Variants in VTI1A observed in about 807,000 individuals in gnomAD.
VTI1A encodes the protein vesicle transport through interaction with t-SNAREs homolog 1A.
Under a neutral mutation model 34.9 loss-of-function variants are expected in VTI1A, and 22 were observed. That is an observed-to-expected ratio of 0.63 (90% CI 0.45 to 0.90). The LOEUF (loss-of-function observed/expected upper bound fraction) is 0.90, where lower values mean the gene tolerates loss of function less well. VTI1A is among the 40% of genes least tolerant of loss of function. The pLI is 0.00. For synonymous variants in VTI1A, 87 were observed against 97.3 expected (o/e 0.89, Z 0.62); for missense variants, 268 against 275.6 (o/e 0.97, Z 0.20).
At chr10:112,455,913 G>A (rs1847507063) in intron 1 of VTI1A, among the ~76,000 whole-genome samples, 1 of 151,888 alleles carries the variant, frequency 6.6e-6, no homozygotes, top group African/African-American at 2.4e-5. Flanking sequence ...TTTCAAATGG[G>A]AAGATTTGCC....
At chr10:112,617,093 A>G (rs569167777) in intron 5 of VTI1A, among the ~76,000 whole-genome samples, 7 of 152,324 alleles carry the variant, frequency 4.6e-5, no homozygotes, top group Admixed American at 3.3e-4. Flanking sequence ...TAGACACGTT[A>G]TAGTGAAACT....
intron 7 of VTI1A, among the ~76,000 whole-genome samples, chr10:112,675,387 G>A (rs1847987535): frequency 6.6e-6 from 1 of 152,254 alleles, no homozygotes; most frequent in East Asian, 1.9e-4. Flanking sequence ...CTTCTATGAA[G>A]ACCCAGTTTC....
intron 3 of VTI1A, among the ~76,000 whole-genome samples, chr10:112,498,457 C>T (rs1027624947): frequency 5.3e-5 from 8 of 151,940 alleles, no homozygotes; most frequent in Non-Finnish European, 2.9e-5. Context: ...TCCTCATCGC[C>T]GCCACCACCA....
intron 5 of VTI1A, among the ~76,000 whole-genome samples, chr10:112,597,570 A>C (rs993730817): frequency 2.0e-5 from 3 of 150,958 alleles, no homozygotes; most frequent in Non-Finnish European, 3.0e-5. Context: ...AGCCAGGTAC[A>C]GTGGTACATG....
At chr10:112,640,563 A>G (rs1846530633) in intron 5 of VTI1A, among the ~76,000 whole-genome samples, 1 of 151,898 alleles carries the variant, frequency 6.6e-6, no homozygotes, top group Non-Finnish European at 1.5e-5. Context: ...AACAACAACA[A>G]AAAAAAACCC....
chr10:112,492,411 G>A (rs965984137), intron 3 of VTI1A, among the ~76,000 whole-genome samples: 2 of 152,114 alleles, frequency 1.3e-5, no homozygotes, highest in South Asian at 2.1e-4. Context: ...TGCAATTGCC[G>A]CAGTCAGTAG....
At chr10:112,671,995 G>T (rs1401469942) in intron 7 of VTI1A, 1 of 152,100 alleles carries the variant, frequency 6.6e-6, no homozygotes, top group Non-Finnish European at 1.5e-5. Flanking sequence ...TAGTGTAGTA[G>T]AGGACGTATG....
At chr10:112,545,404 A>T (rs1306882392) in intron 5 of VTI1A, among the ~76,000 whole-genome samples, 1 of 152,262 alleles carries the variant, frequency 6.6e-6, no homozygotes, top group Non-Finnish European at 1.5e-5. Context: ...GAATGATGAT[A>T]ATGATACTTA....
chr10:112,618,508 T>TAG lies in VTI1A; in HGVS notation c.428-49709_428-49708insGA, dbSNP rs1360598727. ...ATTATATTATATATATATATATATA[T>TAG]ATATATATATATATATAGAGAGAGA... On this transcript the variant is annotated intron_variant, in intron 5 of 7. Transcript: ENST00000393077. Among the ~76,000 whole-genome samples the TAG allele has an allele frequency of 5.4e-3, 170 of 31,286 alleles. 1 individual carries two copies. Among genetic ancestry groups the TAG allele is most frequent in the African/African-American group, 0.013 (102 of 7,888 alleles). 20.5% of individuals were successfully genotyped at this position (31,286 alleles called of 152,430 possible).
intron 5 of VTI1A, among the ~76,000 whole-genome samples, chr10:112,660,981 A>C (rs970498343): frequency 1.3e-5 from 2 of 152,074 alleles, no homozygotes; most frequent in Non-Finnish European, 2.9e-5. Flanking sequence ...ATTTTTATTT[A>C]CTTATTTATT....
chr10:112,743,429 G>T (rs200254890), intron 7 of VTI1A, among the ~76,000 whole-genome samples: 5 of 152,142 alleles, frequency 3.3e-5, no homozygotes, highest in Non-Finnish European at 7.3e-5. Context: ...CCACTTTGTG[G>T]CTGGGGCTGG....
intron 3 of VTI1A, among the ~76,000 whole-genome samples, chr10:112,491,512 A>G (rs1848819425): frequency 6.6e-6 from 1 of 152,250 alleles, no homozygotes. Flanking sequence ...GTGTTATGGC[A>G]GCCACATATG....
chr10:112,686,015 A>G (rs1256481696), intron 7 of VTI1A, among the ~76,000 whole-genome samples: 1 of 152,190 alleles, frequency 6.6e-6, no homozygotes, highest in East Asian at 1.9e-4. Flanking sequence ...CTCTATAGCT[A>G]CCTAATACTG....
chr10:112,835,101 G>A, the VTI1A span, among the ~76,000 whole-genome samples: 1 of 152,128 alleles, frequency 6.6e-6, no homozygotes, highest in Admixed American at 6.6e-5. Context: ...CTTCTCGACT[G>A]ACATAAATCT....
At chr10:112,531,188 C>A (rs1036611394) in intron 4 of VTI1A, among the ~76,000 whole-genome samples, 1 of 151,920 alleles carries the variant, frequency 6.6e-6, no homozygotes, top group African/African-American at 2.4e-5. Context: ...GGCTTAACCA[C>A]AAGAGATTCC....
intron 3 of VTI1A, among the ~76,000 whole-genome samples, chr10:112,471,367 ATTT>A (rs576549183): frequency 1.1e-5 from 1 of 94,386 alleles, no homozygotes; most frequent in Non-Finnish European, 2.1e-5. Context: ...ATTCTTATTG[ATTT>A]TTTTTTTTTT....
intron 5 of VTI1A, among the ~76,000 whole-genome samples, chr10:112,639,704 A>G (rs781164368): frequency 3.5e-4 from 53 of 152,220 alleles, no homozygotes; most frequent in Non-Finnish European, 6.6e-4. Flanking sequence ...CTTACATTGA[A>G]AAGGTATATA....
chr10:112,541,661 A>G (rs112675031), intron 5 of VTI1A, among the ~76,000 whole-genome samples: 26 of 152,362 alleles, frequency 1.7e-4, no homozygotes, highest in African/African-American at 6.3e-4. Flanking sequence ...AATGAAATCC[A>G]TCTTCTAAAA....
chr10:112,831,471 G>T, the VTI1A span: 1 of 152,200 alleles, frequency 6.6e-6, no homozygotes, highest in South Asian at 2.1e-4. Flanking sequence ...TATTCACCAG[G>T]CGTGTCCTTT....
Sources: allele counts gnomAD v4.1 joint callset (sites outside exome capture counted in the v4.1 genomes callset), GRCh38; gene constraint gnomAD v4.1.1; transcripts MANE v1.5; gene names NCBI Gene and HGNC (gene_info 2026-07-23, HGNC 2026-07-21).